The following PDGFRB variants were observed in gnomAD, a reference collection of about 807,000 sequenced individuals.
PDGFRB encodes the protein platelet derived growth factor receptor beta.
In PDGFRB, 42 loss-of-function variants were observed where a neutral mutation model predicts 120.2. The observed-to-expected ratio is 0.35, with a 90% CI of 0.27 to 0.45. The LOEUF (loss-of-function observed/expected upper bound fraction) is 0.45. PDGFRB is among the 20% of genes least tolerant of loss of function. PDGFRB has a pLI of 1.00. For missense variants in PDGFRB, 1,149 were observed against 1,476.3 expected (o/e 0.78, Z 3.63); for synonymous variants, 586 against 606.8 (o/e 0.97, Z 0.50).
chr5:150,118,939 A>G (rs920577696), intron 20 of PDGFRB, 87 bp from the exon 21 acceptor site: 7 of 769,738 alleles, frequency 9.1e-6, no homozygotes, highest in South Asian at 4.9e-5. Context: ...GCTGCCTCTC[A>G]GAACAAGGTG....
At position 150,120,984 on chromosome 5, in the gene PDGFRB, C is replaced by T; in HGVS notation, c.2490G>A (p.Arg830=). ...GCTTGCCTTCACAGATGAGCACGTT[C>T]CTAGCCGCCAGGTCTCTGTGGACGC... The part of the protein sequence containing the change: ...KNCVHRDLAA[R]NVLICEGKLV... Residue 830 remains arginine (R), a synonymous_variant, in exon 18 of 23, where the codon AGG becomes AGA. Transcript: ENST00000261799. This position sits in a 1 kb window ranked among gnomAD's most constrained non-coding sequence, Gnocchi z 4.3. 6.2e-7 allele frequency: 1 copy of T among 1,614,024 alleles called. No individual in the cohort carries two copies. The highest frequency in any genetic ancestry group is 8.5e-7 in the Non-Finnish European group (1 of 1,179,916).
chr5:150,117,506 TACCTCTGAG>T (rs1759973794), intron 22 of PDGFRB, 103 bp downstream of exon 22: 4 of 650,152 alleles, frequency 6.2e-6, no homozygotes, highest in Non-Finnish European at 8.3e-6. Flanking sequence ...CTACGTAACT[TACCTCTGAG>T]GCAAACCTGG....
chr5:150,120,183 C>A lies in PDGFRB; in HGVS notation c.2587-60G>T. The A allele has an allele frequency of 2.5e-6, 2 of 790,812 alleles. No individual in the cohort carries two copies. The highest frequency in any genetic ancestry group is 3.5e-5 in the Admixed American group (2 of 57,956). The allele number at this position is 790,812 out of a possible 1,614,324, so 49.0% of individuals were successfully genotyped here. A position where few individuals can be genotyped will look rare whatever the true frequency, so the allele number is the denominator to read the frequency against. ...GAAGGACCTCAGCCCCACTCTGCAC[C>A]TGGGATGGGAGGAGGGTATCTGGCA... is the stretch of plus-strand genomic sequence containing the variant. On this transcript the variant is annotated intron_variant, in intron 18 of 22. Transcript: ENST00000261799. The surrounding 1 kb of genome is among the most constrained non-coding windows in gnomAD (Gnocchi z 4.3).
At position 150,126,598 on chromosome 5, in the gene PDGFRB, C is replaced by T. The variant is rs1309800597; in HGVS notation, c.1596G>A (p.Val532=). The T allele has an allele frequency of 1.9e-6, 3 of 1,602,696 alleles. No individual in the cohort carries two copies. The highest frequency in any genetic ancestry group is 1.3e-5 in the African/African-American group (1 of 74,674). The change falls in exon 11 of 23, where the codon GTG becomes GTA. Residue 532 remains valine (V), a synonymous_variant. Transcript: ENST00000261799. ...GGGCCAGGATGGCTGAGATCACCAC[C>T]ACCTTAAAGGGCAAGGCTGGAGGCA... ...IVVPHSLPFK[V]VVISAILALV... is the part of the protein sequence containing the mutation.
chr5:150,138,942 C>T (rs17110948), intron 1 of PDGFRB, among the ~76,000 whole-genome samples: 8,654 of 152,260 alleles, frequency 0.057, 279 homozygotes, highest in South Asian at 0.08. Flanking sequence ...GGAATTTGGC[C>T]GGCTGGCCAG....
Position 150,117,833 on chromosome 5 carries a change from A to G in PDGFRB, c.2922T>C (p.Asp974=). 1 of 1,609,368 alleles carries G rather than the reference A, an allele frequency of 6.2e-7. No homozygotes were observed. The highest frequency in any genetic ancestry group is 8.5e-7 in the Non-Finnish European group (1 of 1,176,190). The change falls in exon 22 of 23, where the codon GAT becomes GAC. Residue 974 remains aspartate (D), a synonymous_variant. Transcript: ENST00000261799. ...GGTGGTCACTCCTCAGAAACTCCTC[A>G]TCCACCTGCTGGTACTTCTGCTCCC... is the stretch of plus-strand genomic sequence containing the variant. ...EGYKKKYQQV[D]EEFLRSDHPA...
intron 10 of PDGFRB, 36 bp from the exon 11 acceptor site, chr5:150,126,650 T>C (rs1467104610): frequency 1.8e-6 from 2 of 1,128,482 alleles, no homozygotes; most frequent in East Asian, 2.3e-5. Context: ...ATGAGCAAAC[T>C]GGGCAGCTAC....
intron 22 of PDGFRB, among the ~76,000 whole-genome samples, chr5:150,116,231 T>G (rs778913509): frequency 1.3e-5 from 2 of 152,168 alleles, no homozygotes; most frequent in Non-Finnish European, 2.9e-5. Flanking sequence ...AGCATCTCCC[T>G]CCTCTGCACT....
chr5:150,114,331 C>T lies in PDGFRB; in HGVS notation c.*1432G>A, dbSNP rs1759853766. On this transcript the variant is annotated 3_prime_UTR_variant, in exon 23 of 23. Transcript: ENST00000261799. ...ACCTCTCACATCCTTCTTGGGGTAC[C>T]CATCTGAAGCTTCTTGTCTTTTACA... 1 of 233,188 alleles carries T rather than the reference C, an allele frequency of 4.3e-6. No individual in the cohort carries two copies. 14.4% of individuals were successfully genotyped at this position (233,188 alleles called of 1,614,324 possible).
intron 1 of PDGFRB, among the ~76,000 whole-genome samples, chr5:150,144,660 C>T (rs1437151328): frequency 6.6e-6 from 1 of 152,214 alleles, no homozygotes; most frequent in South Asian, 2.1e-4. Context: ...CTACTTGGAA[C>T]AGTGCGTGGG....
chr5:150,116,967 C>A (rs1759955970), intron 22 of PDGFRB, among the ~76,000 whole-genome samples: 1 of 152,224 alleles, frequency 6.6e-6, no homozygotes, highest in Admixed American at 6.5e-5. Context: ...TGGGCTGGAT[C>A]TCGCTTTGGA....
At position 150,133,684 on chromosome 5, in the gene PDGFRB, G is replaced by A. The variant is rs1483264770; in HGVS notation, c.836C>T (p.Pro279Leu). The A allele has an allele frequency of 6.2e-7, 1 of 1,613,626 alleles. No homozygotes were observed. Among genetic ancestry groups the A allele is most frequent in the South Asian group, 1.1e-5 (1 of 91,060 alleles). ...CCCCGAGTCTTCTAACTCGGCACTGGGGATGTGCAGGATGGAGCGGATGTG... is the reference window on the plus strand; with the variant it reads ...CCCCGAGTCTTCTAACTCGGCACTGAGGATGTGCAGGATGGAGCGGATGTG... ...PYHIRSILHI[P>L]SAELEDSGTY... is the part of the protein sequence containing the mutation. The change falls in exon 6 of 23, where the codon CCC becomes CTC. Residue 279 changes from proline to leucine, a missense_variant. Pro to Leu is a moderately conservative substitution (Grantham distance 98). Coordinates refer to ENST00000261799, the MANE Select transcript of PDGFRB (RefSeq NM_002609.4).
Position 150,124,758 on chromosome 5 carries a change from G to A in PDGFRB, c.1881C>T (p.Ala627=), listed in dbSNP as rs756109621. The A allele has an allele frequency of 3.9e-5, 63 of 1,600,888 alleles. No homozygotes were observed. Among genetic ancestry groups the A allele is most frequent in the Non-Finnish European group, 5.2e-5 (61 of 1,169,076 alleles). ...ATAHGLSHSQ[A]TMKVAVKMLK... ...GCATCTTGACGGCCACTTTCATCGT[G>A]GCCTGAGAATGGCTCAGGCCATGAG... The change falls in exon 13 of 23, where the codon GCC becomes GCT. Residue 627 remains alanine (A), a synonymous_variant. Coordinates refer to ENST00000261799, the MANE Select transcript of PDGFRB (RefSeq NM_002609.4).
chr5:150,123,308 C>T (rs182991514), intron 14 of PDGFRB, 107 bp from the exon 15 acceptor site: 81 of 826,894 alleles, frequency 9.8e-5, no homozygotes, highest in Admixed American at 7.9e-4. Flanking sequence ...TTTGGCATGA[C>T]GGCTAGGAGG....
chr5:150,151,544 C>A (rs371275869), intron 1 of PDGFRB, among the ~76,000 whole-genome samples: 13 of 152,314 alleles, frequency 8.5e-5, no homozygotes, highest in Non-Finnish European at 1.5e-4. Context: ...ACTGACTCTG[C>A]GCACTTTCTC....
At position 150,119,486 on chromosome 5, in the gene PDGFRB, C is replaced by A; in HGVS notation, c.2779G>T (p.Ala927Ser). Residue 927 changes from alanine to serine, a missense_variant, in exon 20 of 23, where the codon GCC (alanine) becomes TCC (serine). Ala to Ser is a moderately conservative substitution (Grantham distance 99). This residue lies in a region of PDGFRB where 68 missense variants were observed against 153.3 expected (regional missense o/e 0.44). Transcript: ENST00000261799. Reference sequence around the variant, plus strand: ...ACTCACATCTCGTCGGAGGCATGGGCAGGCTGGGCCATGCGGTAACCCCGT... The same window carrying A: ...ACTCACATCTCGTCGGAGGCATGGGAAGGCTGGGCCATGCGGTAACCCCGT... ...IKRGYRMAQP[A>S]HASDEIYEIM... 3.1e-6 allele frequency: 5 copies of A among 1,605,882 alleles called. No individual in the cohort carries two copies. Among genetic ancestry groups the A allele is most frequent in the Non-Finnish European group, 4.3e-6 (5 of 1,172,454 alleles).
rs1270089618 is a variant in PDGFRB, at chr5:150,133,019, G to T, written c.935-77C>A. 9 of 1,059,344 alleles carry T rather than the reference G, an allele frequency of 8.5e-6. No individual in the cohort carries two copies. In the South Asian group the frequency reaches 1.2e-4, roughly 15 times the overall value. 65.6% of individuals were successfully genotyped at this position (1,059,344 alleles called of 1,614,324 possible). ...AATCCCAAAGGAGGCCAGCCTGTGG[G>T]GTGGGGCTTCAGGCCTGGGGACCGT... On this transcript the variant is annotated intron_variant, in intron 6 of 22. Coordinates refer to ENST00000261799, the MANE Select transcript of PDGFRB (RefSeq NM_002609.4).
At position 150,117,812 on chromosome 5, in the gene PDGFRB, G is replaced by A. The variant is rs2113884303; in HGVS notation, c.2943C>T (p.Asp981=). Residue 981 remains aspartate (D), a synonymous_variant, in exon 22 of 23, where the codon GAC becomes GAT. Coordinates refer to ENST00000261799, the MANE Select transcript of PDGFRB (RefSeq NM_002609.4). The part of the protein sequence containing the change: ...QQVDEEFLRS[D]HPAILRSQAR... The stretch of plus-strand genomic sequence containing the variant: ...CCTGGGACCGAAGGATGGCTGGGTG[G>A]TCACTCCTCAGAAACTCCTCATCCA... 1 of 1,613,348 alleles carries A rather than the reference G, an allele frequency of 6.2e-7. No homozygotes were observed.
chr5:150,121,207 C>A lies in PDGFRB; in HGVS notation c.2460G>T (p.Lys820Asn). The A allele has an allele frequency of 6.6e-7, 1 of 1,509,646 alleles. No individual in the cohort carries two copies. The highest frequency in any genetic ancestry group is 9.2e-7 in the Non-Finnish European group (1 of 1,084,990). The allele number at this position is 1,509,646 out of a possible 1,614,324, so 93.5% of individuals were successfully genotyped here. The change falls in exon 17 of 23, where the codon AAG becomes AAT. Residue 820 changes from lysine to asparagine, a missense_variant. Transcript: ENST00000261799. The surrounding 1 kb of genome is among the most constrained non-coding windows in gnomAD (Gnocchi z 4.1). The part of the protein sequence containing the change: ...VANGMEFLAS[K>N]NCVHRDLAAR... The stretch of plus-strand genomic sequence containing the variant: ...GCCCCACCAACACCACACGTACGTT[C>A]TTGGAGGCCAGAAACTCCATGCCAT...
Sources: allele counts gnomAD v4.1 joint callset (sites outside exome capture counted in the v4.1 genomes callset), GRCh38; gene constraint gnomAD v4.1.1; regional missense constraint gnomAD v4.1.1; non-coding constraint Gnocchi (gnomAD v3.1); transcripts MANE v1.5; gene names NCBI Gene and HGNC (gene_info 2026-07-23, HGNC 2026-07-21).